The following CCDC73 variants were observed in gnomAD, a reference collection of about 807,000 sequenced individuals.
CCDC73 encodes the protein coiled-coil domain containing 73, also known as coiled-coil domain-containing protein 73.
A neutral mutation model predicts 116.5 loss-of-function variants in CCDC73; 95 were observed. The observed-to-expected ratio is 0.82, with a 90% confidence interval of 0.69 to 0.97. The LOEUF is 0.97. CCDC73 is among the 50% of genes least tolerant of loss of function. The pLI is 0.00. For synonymous variants in CCDC73, 398 were observed against 401.3 expected (o/e 0.99, Z 0.10); for missense variants, 1,066 against 1,206.8 (o/e 0.88, Z 1.73).
intron 1 of CCDC73, among the ~76,000 whole-genome samples, chr11:32,791,991 TAC>T (rs66955881): frequency 0.27 from 38,713 of 144,898 alleles, 5,823 homozygotes; most frequent in East Asian, 0.75. Flanking sequence ...CACACACACA[TAC>T]ACACACACAC....
intron 14 of CCDC73, among the ~76,000 whole-genome samples, chr11:32,629,919 T>C (rs1275898236): frequency 1.3e-5 from 1 of 79,514 alleles, no homozygotes; most frequent in Non-Finnish European, 2.4e-5. Flanking sequence ...CCAGCAGATA[T>C]GCAAAAAAAA....
At chr11:32,670,687 TTTCCTC>T (rs1311925811) in intron 9 of CCDC73, among the ~76,000 whole-genome samples, 3 of 152,206 alleles carry the variant, frequency 2.0e-5, no homozygotes, top group Non-Finnish European at 4.4e-5. Flanking sequence ...CTAAAAGTTT[TTTCCTC>T]TTCAAGATTA....
chr11:32,727,512 T>C (rs570822287), intron 2 of CCDC73, among the ~76,000 whole-genome samples: 1 of 152,314 alleles, frequency 6.6e-6, no homozygotes, highest in Admixed American at 6.5e-5. Flanking sequence ...AACTACCTTG[T>C]TTCTCCTTAA....
intron 14 of CCDC73, among the ~76,000 whole-genome samples, chr11:32,623,540 A>G (rs1855542016): frequency 6.6e-6 from 1 of 152,058 alleles, no homozygotes. Flanking sequence ...TTTTGTAGAG[A>G]CAAGGGTCTC....
chr11:32,685,718 C>CTT lies in CCDC73; in HGVS notation c.391-2146_391-2145dup, dbSNP rs149696866. 8.0e-4 allele frequency among the ~76,000 whole-genome samples: 73 copies of CTT among 90,686 alleles called. 1 individual carries two copies. The highest frequency in any genetic ancestry group is 1.4e-3 in the African/African-American group (32 of 22,638). 59.5% of individuals were successfully genotyped at this position (90,686 alleles called of 152,430 possible). A position where few individuals can be genotyped will look rare whatever the true frequency, so the allele number is the denominator to read the frequency against. On this transcript the variant is annotated intron_variant, in intron 6 of 17. Coordinates refer to ENST00000335185, the MANE Select transcript of CCDC73 (RefSeq NM_001008391.4). ...ACGAATGTGACAAAGCCTGACTTAG[C>CTT]TTTTTTTTTTTTTTTTTTTTTTGAG...
rs996282484 is a variant in CCDC73 at position 32,608,443 on chromosome 11, C to T, written c.3030+2689G>A. 9.2e-5 allele frequency among the ~76,000 whole-genome samples: 14 copies of T among 152,306 alleles called. 1 individual carries two copies. The highest frequency in any genetic ancestry group is 4.1e-4 in the South Asian group (2 of 4,828). On this transcript the variant is annotated intron_variant, in intron 17 of 17. Transcript: ENST00000335185. Reference sequence around the variant, plus strand: ...AAAATCCAGCATGGCTGCCAGGTCACGCTAATGCAAGAGGTGGGTTCTTAT... The same window carrying T: ...AAAATCCAGCATGGCTGCCAGGTCATGCTAATGCAAGAGGTGGGTTCTTAT...
upstream of CCDC73, among the ~76,000 whole-genome samples, chr11:32,796,261 T>C (rs1210124670): frequency 3.3e-5 from 5 of 152,246 alleles, no homozygotes; most frequent in South Asian, 1.0e-3. Flanking sequence ...TTCACTTGCT[T>C]ACCAGAATCT....
At chr11:32,729,786 CTTAT>C (rs1298704852) in intron 2 of CCDC73, among the ~76,000 whole-genome samples, 4 of 152,194 alleles carry the variant, frequency 2.6e-5, no homozygotes, top group East Asian at 3.8e-4. Flanking sequence ...TTCCCCTTGG[CTTAT>C]TTGTCACTTC....
chr11:32,737,938 C>T (rs140282774), intron 2 of CCDC73, among the ~76,000 whole-genome samples: 21 of 152,264 alleles, frequency 1.4e-4, no homozygotes, highest in African/African-American at 5.1e-4. Context: ...TAAGTGAGGA[C>T]ATGCAAAGTT....
At chr11:32,774,890 C>G (rs1005067135) in intron 1 of CCDC73, among the ~76,000 whole-genome samples, 3 of 152,052 alleles carry the variant, frequency 2.0e-5, no homozygotes, top group Non-Finnish European at 4.4e-5. Flanking sequence ...AGCACTAGAA[C>G]AGAAACATGT....
At chr11:32,736,218 C>G (rs1003803793) in intron 2 of CCDC73, among the ~76,000 whole-genome samples, 2 of 152,260 alleles carry the variant, frequency 1.3e-5, no homozygotes, top group Middle Eastern at 3.4e-3. Flanking sequence ...TCAGAGTGAA[C>G]AGGCAACCTA....
In CCDC73 at chr11:32,761,909, C is replaced by G. The variant is rs148241604; in HGVS notation, c.-15-1651G>C. On this transcript the variant is annotated intron_variant, in intron 1 of 17. Coordinates refer to ENST00000335185, the MANE Select transcript of CCDC73 (RefSeq NM_001008391.4). ...GTTGTAGCTCAAGTCCAAAAGCAGT[C>G]TGGAAGCAAAATTCCCACTTCCTTG... Among the ~76,000 whole-genome samples the G allele has an allele frequency of 7.6e-3, 1,160 of 152,296 alleles. 12 individuals carry two copies. The highest frequency in any genetic ancestry group is 0.026 in the African/African-American group (1,076 of 41,560).
At chr11:32,730,974 G>T (rs1850071888) in intron 2 of CCDC73, among the ~76,000 whole-genome samples, 1 of 152,176 alleles carries the variant, frequency 6.6e-6, no homozygotes, top group Admixed American at 6.5e-5. Context: ...GCAGGGCGAG[G>T]CATCATCTCA....
At chr11:32,750,145 C>T (rs1001045708) in intron 2 of CCDC73, among the ~76,000 whole-genome samples, 9 of 152,196 alleles carry the variant, frequency 5.9e-5, no homozygotes, top group African/African-American at 1.7e-4. Context: ...GCTGGGATTA[C>T]AGGCGTGAGC....
chr11:32,703,010 A>G, intron 3 of CCDC73, 66 bp from the exon 4 acceptor site: 1 of 1,042,096 alleles, frequency 9.6e-7, no homozygotes, highest in Non-Finnish European at 1.5e-6. Flanking sequence ...TTTAAATCTT[A>G]ACTAGGTTCA....
chr11:32,806,500 T>G, the CCDC73 span, among the ~76,000 whole-genome samples: 6 of 151,734 alleles, frequency 4.0e-5, no homozygotes, highest in East Asian at 1.2e-3. Context: ...GGTGCACACT[T>G]GTAGTCCCAG....
chr11:32,721,560 A>G (rs190634841), intron 2 of CCDC73, among the ~76,000 whole-genome samples: 174 of 151,644 alleles, frequency 1.1e-3, no homozygotes, highest in African/African-American at 4.1e-3. Context: ...CATATAAAAT[A>G]TGTGCTTTTT....
chr11:32,759,670 C>T (rs115238910), intron 2 of CCDC73, among the ~76,000 whole-genome samples: 3,647 of 152,222 alleles, frequency 0.024, 131 homozygotes, highest in African/African-American at 0.083. Context: ...ATTCTTTCAA[C>T]CCAGAATATT....
At chr11:32,691,709 A>C (rs778199285) in intron 6 of CCDC73, among the ~76,000 whole-genome samples, 10 of 152,068 alleles carry the variant, frequency 6.6e-5, no homozygotes, top group African/African-American at 1.2e-4. Flanking sequence ...AATTTTAATG[A>C]AGTCCAGCTT....
Sources: gnomAD v4.1 joint callset for allele counts (sites outside exome capture counted in the v4.1 genomes callset) on GRCh38, gnomAD v4.1.1 for gene constraint, MANE v1.5 for transcripts, NCBI Gene and HGNC (gene_info 2026-07-23, HGNC 2026-07-21) for gene names.